CA6: variants seen among roughly 807,000 people sequenced by gnomAD.
The protein encoded by CA6 is carbonic anhydrase 6, also known as carbonate dehydratase VI.
Under a neutral mutation model 35.9 loss-of-function variants are expected in CA6, and 28 were observed. The observed-to-expected ratio is 0.78, with a 90% confidence interval of 0.58 to 1.07. The LOEUF is 1.07. Among genes scored for constraint, CA6 ranks in the 50% least tolerant of loss-of-function variants. The pLI is 0.00. For missense variants in CA6, 377 were observed against 382.0 expected (o/e 0.99, Z 0.11); for synonymous variants, 148 against 152.6 (o/e 0.97, Z 0.22).
intron 7 of CA6, chr1:8,974,229 T>C (rs1200066755): frequency 3.2e-6 from 2 of 620,240 alleles, no homozygotes; most frequent in Non-Finnish European, 5.4e-6. Flanking sequence ...GGGGTTGATA[T>C]GATTAACCCA....
chr1:8,957,645 C>G (rs896506286), intron 3 of CA6, among the ~76,000 whole-genome samples: 1 of 151,582 alleles, frequency 6.6e-6, no homozygotes, highest in African/African-American at 2.4e-5. Context: ...CCAGCCGTCA[C>G]TTTTCTTATT....
chr1:8,955,745 C>T (rs956315254), intron 2 of CA6, among the ~76,000 whole-genome samples: 2 of 152,154 alleles, frequency 1.3e-5, no homozygotes, highest in African/African-American at 2.4e-5. Context: ...GCCAAACAGC[C>T]GGTGAAAACC....
In CA6 at chr1:8,974,987, C is replaced by A. The variant is rs1377865345; in HGVS notation, c.*283C>A. 1 of 288,032 alleles carries A rather than the reference C, an allele frequency of 3.5e-6. No homozygotes were observed. Among genetic ancestry groups the A allele is most frequent in the Non-Finnish European group, 6.3e-6 (1 of 157,532 alleles). 17.8% of individuals were successfully genotyped at this position (288,032 alleles called of 1,614,324 possible). ...TAAAGGAAATGGAACCCTAACTATT[C>A]TCCCATCAAATCATATATGTTGACC... On this transcript the variant is annotated 3_prime_UTR_variant, in exon 8 of 8. Coordinates refer to ENST00000377443, the MANE Select transcript of CA6 (RefSeq NM_001215.4).
At chr1:8,959,983 G>A (rs1013193379) in intron 4 of CA6, among the ~76,000 whole-genome samples, 1 of 141,426 alleles carries the variant, frequency 7.1e-6, no homozygotes, top group Non-Finnish European at 1.5e-5. Context: ...TGTAATCCCA[G>A]CACTTTGGGA....
chr1:8,965,100 C>T (rs1262846161), intron 5 of CA6, among the ~76,000 whole-genome samples: 1 of 152,016 alleles, frequency 6.6e-6, no homozygotes, highest in Non-Finnish European at 1.5e-5. Flanking sequence ...AAAAATTAGC[C>T]AGGCATGGTG....
intron 2 of CA6, chr1:8,951,506 T>C (rs747402514): frequency 1.3e-6 from 1 of 765,216 alleles, no homozygotes. Context: ...GCAGTGGCTT[T>C]GTTCACCCTC....
intron 1 of CA6, among the ~76,000 whole-genome samples, 162 bp from the exon 2 acceptor site, chr1:8,949,098 CGTT>C (rs1639448302): frequency 6.6e-6 from 1 of 152,150 alleles, no homozygotes; most frequent in Non-Finnish European, 1.5e-5. Context: ...GAGTTGACCT[CGTT>C]GTCTTTTTGG....
At chr1:8,946,056 T>C in intron 1 of CA6, 91 bp downstream of exon 1, 2 of 816,766 alleles carry the variant, frequency 2.4e-6, no homozygotes, top group Non-Finnish European at 4.0e-6. Context: ...TTTTTTTTTT[T>C]AGACAAAGTC....
intron 7 of CA6, among the ~76,000 whole-genome samples, chr1:8,971,842 ACCGTGT>A (rs1640118823): frequency 6.6e-6 from 1 of 152,298 alleles, no homozygotes; most frequent in South Asian, 2.1e-4. Context: ...TCAGGCTCCA[ACCGTGT>A]CCTTGGCTCA....
intron 2 of CA6, among the ~76,000 whole-genome samples, chr1:8,954,814 A>G (rs1490489184): frequency 1.3e-5 from 2 of 152,162 alleles, no homozygotes; most frequent in East Asian, 3.8e-4. Context: ...ACCTCAGGTG[A>G]TCTGCCTGCC....
chr1:8,954,456 C>A (rs920952250), intron 2 of CA6, among the ~76,000 whole-genome samples: 2 of 151,796 alleles, frequency 1.3e-5, no homozygotes, highest in African/African-American at 2.4e-5. Flanking sequence ...TGAGGCACTG[C>A]GCCTGGCCTA....
At chr1:8,972,386 A>G (rs1252858995) in intron 7 of CA6, among the ~76,000 whole-genome samples, 1 of 151,988 alleles carries the variant, frequency 6.6e-6, no homozygotes, top group African/African-American at 2.4e-5. Flanking sequence ...TAAAACTTAA[A>G]TTTCCTCCGG....
chr1:8,949,215 A>T (rs758115084), intron 1 of CA6, 48 bp from the exon 2 acceptor site: 1 of 1,456,384 alleles, frequency 6.9e-7, no homozygotes, highest in Admixed American at 2.3e-5. Context: ...GTTCCTCCAG[A>T]GTGGGCGCAG....
At chr1:8,964,144 C>T (rs1255868089) in intron 5 of CA6, among the ~76,000 whole-genome samples, 4 of 152,228 alleles carry the variant, frequency 2.6e-5, no homozygotes, top group Admixed American at 6.5e-5. Context: ...CTTGTCAACA[C>T]CACCCCTCCC....
intron 7 of CA6, among the ~76,000 whole-genome samples, chr1:8,971,862 C>A (rs895242720): frequency 3.9e-5 from 6 of 152,198 alleles, no homozygotes; most frequent in African/African-American, 1.4e-4. Flanking sequence ...TGGCTCACCT[C>A]GTTTCTGTGT....
At chr1:8,960,446 T>A (rs1639809440) in intron 4 of CA6, among the ~76,000 whole-genome samples, 1 of 146,972 alleles carries the variant, frequency 6.8e-6, no homozygotes, top group South Asian at 2.1e-4. Context: ...GAAAGGAAAC[T>A]ATGTTCAAAG....
rs766044610 is a variant in CA6 at position 8,974,477 on chromosome 1, G to T, written c.845-145G>T. The T allele has an allele frequency of 2.9e-4, 430 of 1,492,552 alleles. 2 individuals carry two copies. Among genetic ancestry groups the T allele is most frequent in the Admixed American group, 9.3e-5 (4 of 43,148 alleles). The allele number at this position is 1,492,552 out of a possible 1,614,324, so 92.5% of individuals were successfully genotyped here. ...CACAGTGAAGATGACTAAAGGCAAT[G>T]CACCGGGCACGTGGAGAGCATTCTA... On this transcript the variant is annotated intron_variant, in intron 7 of 7. Transcript: ENST00000377443.
At chr1:8,954,853 G>A (rs1233927626) in intron 2 of CA6, among the ~76,000 whole-genome samples, 3 of 152,182 alleles carry the variant, frequency 2.0e-5, no homozygotes, top group Non-Finnish European at 4.4e-5. Flanking sequence ...AGGATTACAG[G>A]TGTGAGCTGC....
In CA6 at chr1:8,966,345, G is replaced by T. The variant is rs909262841; in HGVS notation, c.572-1314G>T. Among the ~76,000 whole-genome samples the T allele has an allele frequency of 5.9e-4, 90 of 152,030 alleles. 1 individual carries two copies. The highest frequency in any genetic ancestry group is 2.1e-3 in the African/African-American group (88 of 41,494). On this transcript the variant is annotated intron_variant, in intron 5 of 7. Transcript: ENST00000377443. Reference sequence around the variant, plus strand: ...GGCTGGTCTCAAACTCCTGACCTCAGGTGATCCACCCGCCTCGGCCTCCCA... The same window carrying T: ...GGCTGGTCTCAAACTCCTGACCTCATGTGATCCACCCGCCTCGGCCTCCCA...
Sources: allele counts gnomAD v4.1 joint callset (sites outside exome capture counted in the v4.1 genomes callset), GRCh38; gene constraint gnomAD v4.1.1; transcripts MANE v1.5; gene names NCBI Gene and HGNC (gene_info 2026-07-23, HGNC 2026-07-21).